RMI1: variants seen among roughly 807,000 people sequenced by gnomAD.
The protein encoded by RMI1 is RecQ mediated genome instability 1, also known as recQ-mediated genome instability protein 1.
Under a neutral mutation model 46.7 loss-of-function variants are expected in RMI1, and 36 were observed. That is an observed-to-expected ratio of 0.77 (90% CI 0.59 to 1.02). The LOEUF is 1.02. Ranked by LOEUF, RMI1 falls within the 50% of genes least tolerant of loss-of-function variation. The probability of loss-of-function intolerance (pLI) is 0.00; values close to 1 mark genes in which losing one functional copy is unlikely to be tolerated. For missense variants in RMI1, 676 were observed against 713.7 expected (o/e 0.95, Z 0.60); for synonymous variants, 250 against 252.9 (o/e 0.99, Z 0.11).
rs527388986 is a variant in RMI1 at position 84,002,796 on chromosome 9, A to G, written c.1810A>G (p.Met604Val). 5.7e-5 allele frequency: 92 copies of G among 1,610,844 alleles called. 1 individual carries two copies. The highest frequency in any genetic ancestry group is 4.5e-4 in the South Asian group (41 of 91,020). ...ISFNPSLSKA[M>V]VLALQDVNME... ...ATTTAATCCTTCCTTGTCTAAAGCA[A>G]TGGTACTGGCATTACAAGATGTTAA... is the stretch of plus-strand genomic sequence containing the variant. The change falls in exon 3 of 3, where the codon ATG becomes GTG. Residue 604 changes from methionine (M) to valine (V), a missense_variant. By Grantham distance (21) the Met-to-Val change is conservative (BLOSUM62 1). Coordinates refer to ENST00000445877, the MANE Select transcript of RMI1 (RefSeq NM_001358291.2).
Position 84,002,216 on chromosome 9 carries a change from A to G in RMI1, c.1230A>G (p.Leu410=). The part of the protein sequence containing the change: ...SIFSVHCNVP[L]AHDFTNKEKN... ...TTTCAGTTCATTGTAATGTACCCTT[A>G]GCCCATGATTTTACAAATAAAGAAA... is the stretch of plus-strand genomic sequence containing the variant. Residue 410 remains leucine, a synonymous_variant, in exon 3 of 3, where the codon TTA becomes TTG. Transcript: ENST00000445877. 6.2e-7 allele frequency: 1 copy of G among 1,608,520 alleles called. No homozygotes were observed. The highest frequency in any genetic ancestry group is 8.5e-7 in the Non-Finnish European group (1 of 1,178,678).
Position 83,994,400 on chromosome 9 carries a change from A to G in RMI1, c.-125-5309A>G, listed in dbSNP as rs79822206. Among the ~76,000 whole-genome samples the G allele has an allele frequency of 6.3e-3, 956 of 152,098 alleles. 8 individuals carry two copies. The highest frequency in any genetic ancestry group is 0.021 in the African/African-American group (866 of 41,490). ...TTCAATGTCATGAAGCTTTTTCCCT[A>G]TGTTTACTTCTAGGAATTTTATAGT... On this transcript the variant is annotated intron_variant, in intron 1 of 2. Coordinates refer to ENST00000445877, the MANE Select transcript of RMI1 (RefSeq NM_001358291.2).
At chr9:83,980,734 C>G (rs1457761889), upstream of RMI1, 1 of 152,194 alleles carries the variant, frequency 6.6e-6, no homozygotes, top group African/African-American at 2.4e-5. Flanking sequence ...TTTCCAGCCC[C>G]GAAGGAGTCC....
In RMI1 at chr9:84,001,665, G is replaced by A. The variant is rs753894546; in HGVS notation, c.679G>A (p.Glu227Lys). Residue 227 changes from glutamate to lysine, a missense_variant, in exon 3 of 3, where the codon GAA becomes AAA. Coordinates refer to ENST00000445877, the MANE Select transcript of RMI1 (RefSeq NM_001358291.2). ...TTCAGTCATACCAAACAATTCTAAC[G>A]AAAACATTCCCAGAGTTACAGATGT... ...VVSVIPNNSN[E>K]NIPRVTDVLD... is the part of the protein sequence containing the mutation. 1.3e-5 allele frequency: 21 copies of A among 1,613,780 alleles called. No homozygotes were observed. Among genetic ancestry groups the A allele is most frequent in the African/African-American group, 2.7e-5 (2 of 74,904 alleles).
chr9:83,989,837 C>A (rs929278315), intron 1 of RMI1, among the ~76,000 whole-genome samples: 2 of 152,138 alleles, frequency 1.3e-5, no homozygotes, highest in East Asian at 3.9e-4. Context: ...GCAATTTCAC[C>A]ACAAAGTATA....
At position 84,001,860 on chromosome 9, in the gene RMI1, T is replaced by C. The variant is rs1420790507; in HGVS notation, c.874T>C (p.Ser292Pro). 6.2e-7 allele frequency: 1 copy of C among 1,614,042 alleles called. No individual in the cohort carries two copies. Among genetic ancestry groups the C allele is most frequent in the Non-Finnish European group, 8.5e-7 (1 of 1,179,950 alleles). The change falls in exon 3 of 3, where the codon TCT becomes CCT. Residue 292 changes from serine to proline, a missense_variant. Transcript: ENST00000445877. ...QSSFEPEFVI[S>P]PRPKEEPSNL... ...AAGTTTTGAGCCAGAATTTGTTATT[T>C]CTCCAAGACCAAAAGAGGAACCATC...
chr9:83,990,195 G>A (rs1247167605), intron 1 of RMI1, among the ~76,000 whole-genome samples: 2 of 152,136 alleles, frequency 1.3e-5, no homozygotes, highest in Non-Finnish European at 2.9e-5. Context: ...GCAAAGGGTA[G>A]GAAGACAGAT....
At position 83,999,189 on chromosome 9, in the gene RMI1, A is replaced by T. The variant is rs954560167; in HGVS notation, c.-125-520A>T. ...AAAATAGAATAGAATAAAATAAAAT[A>T]AAAAAAAATAAAATAACAATAAGTA... On this transcript the variant is annotated intron_variant, in intron 1 of 2. Transcript: ENST00000445877. Among the ~76,000 whole-genome samples the T allele has an allele frequency of 4.5e-3, 172 of 38,464 alleles. 1 individual carries two copies. The highest frequency in any genetic ancestry group is 5.5e-3 in the Non-Finnish European group (105 of 19,034). 25.2% of individuals were successfully genotyped at this position (38,464 alleles called of 152,430 possible).
At position 84,002,661 on chromosome 9, in the gene RMI1, C is replaced by T. The variant is rs769538787; in HGVS notation, c.1675C>T (p.Pro559Ser). The change falls in exon 3 of 3, where the codon CCA (proline) becomes TCA (serine). Residue 559 changes from proline (P) to serine (S), a missense_variant. By Grantham distance (74) the Pro-to-Ser change is moderately conservative (BLOSUM62 -1). Transcript: ENST00000445877. ...TACTAGCTTGATAGGGTTCTCAGTACCAGAAATGAAACAGTCAAAAAAGGA... is the reference window on the plus strand; with the variant it reads ...TACTAGCTTGATAGGGTTCTCAGTATCAGAAATGAAACAGTCAAAAAAGGA... ...ILTSLIGFSVPEMKQSKKDPL... is the reference protein window; with the variant it reads ...ILTSLIGFSVSEMKQSKKDPL... 8 of 1,613,562 alleles carry T rather than the reference C, an allele frequency of 5.0e-6. No homozygotes were observed. The highest frequency in any genetic ancestry group is 6.8e-6 in the Non-Finnish European group (8 of 1,179,882).
At chr9:83,985,612 A>G (rs1178226607) in intron 1 of RMI1, among the ~76,000 whole-genome samples, 1 of 152,216 alleles carries the variant, frequency 6.6e-6, no homozygotes, top group African/African-American at 2.4e-5. Context: ...ATTAGGACTG[A>G]CACATTTAAT....
chr9:83,995,845 C>G (rs568065720), intron 1 of RMI1, among the ~76,000 whole-genome samples: 1 of 152,156 alleles, frequency 6.6e-6, no homozygotes, highest in Admixed American at 6.5e-5. Flanking sequence ...TTTTAGAGAC[C>G]ATTTTCTGTT....
At position 84,001,960 on chromosome 9, in the gene RMI1, C is replaced by G; in HGVS notation, c.974C>G (p.Thr325Ser). 1 of 1,614,070 alleles carries G rather than the reference C, an allele frequency of 6.2e-7. No individual in the cohort carries two copies. The highest frequency in any genetic ancestry group is 8.5e-7 in the Non-Finnish European group (1 of 1,179,968). The change falls in exon 3 of 3, where the codon ACT (threonine) becomes AGT (serine). Residue 325 changes from threonine (T) to serine (S), a missense_variant. Thr to Ser is a moderately conservative substitution (Grantham distance 58). Transcript: ENST00000445877. ...GAGGAGGCCTTGCTTTTAGAAGAAA[C>G]TGTCCAGAAAGAACAGATGGAAACT... Reference protein sequence around the residue: ...SLEEALLLEETVQKEQMETKE... With the variant: ...SLEEALLLEESVQKEQMETKE...
intron 1 of RMI1, among the ~76,000 whole-genome samples, chr9:83,987,166 C>T (rs563953707): frequency 1.1e-4 from 16 of 152,090 alleles, no homozygotes; most frequent in African/African-American, 3.9e-4. Flanking sequence ...TGGATTCAAG[C>T]GATTTTCTGC....
At chr9:83,986,373 T>A (rs1957490970) in intron 1 of RMI1, among the ~76,000 whole-genome samples, 1 of 152,240 alleles carries the variant, frequency 6.6e-6, no homozygotes, top group Non-Finnish European at 1.5e-5. Context: ...AATGGCCGTT[T>A]ATATGTGGAT....
Position 84,003,177 on chromosome 9 carries a change from G to A in RMI1, c.*313G>A, listed in dbSNP as rs1222727583. The stretch of plus-strand genomic sequence containing the variant: ...TCCTGCCTTAGCCTCTTGAGTTGCT[G>A]GGACTATAGGCATGTACCACCATGC... On this transcript the variant is annotated 3_prime_UTR_variant, in exon 3 of 3. Transcript: ENST00000445877. 1 of 193,094 alleles carries A rather than the reference G, an allele frequency of 5.2e-6. No individual in the cohort carries two copies. The highest frequency in any genetic ancestry group is 2.4e-5 in the African/African-American group (1 of 42,164). The allele number at this position is 193,094 out of a possible 1,614,324, so 12.0% of individuals were successfully genotyped here. A position where few individuals can be genotyped will look rare whatever the true frequency, so the allele number is the denominator to read the frequency against.
chr9:83,995,584 C>T (rs1163765078), intron 1 of RMI1, among the ~76,000 whole-genome samples: 6 of 152,020 alleles, frequency 3.9e-5, no homozygotes, highest in Admixed American at 6.5e-5. Context: ...CATGCCACCA[C>T]GCCCGGCTAA....
Position 83,995,279 on chromosome 9 carries a change from A to C in RMI1, c.-125-4430A>C, listed in dbSNP as rs144127025. Among the ~76,000 whole-genome samples the C allele has an allele frequency of 8.1e-3, 1,050 of 130,056 alleles. 12 individuals are homozygous for C. Among genetic ancestry groups the C allele is most frequent in the Middle Eastern group, 0.035 (10 of 284 alleles). 85.3% of individuals were successfully genotyped at this position (130,056 alleles called of 152,430 possible). A position where few individuals can be genotyped will look rare whatever the true frequency, so the allele number is the denominator to read the frequency against. On this transcript the variant is annotated intron_variant, in intron 1 of 2. Transcript: ENST00000445877. ...CTCCCAAAATGCTGGCATTACAGGC[A>C]TGAGCCACTGCCCCGGCCTCAACCA...
chr9:83,997,796 G>GT (rs1466712796), intron 1 of RMI1, among the ~76,000 whole-genome samples: 2 of 150,836 alleles, frequency 1.3e-5, no homozygotes, highest in African/African-American at 4.9e-5. Context: ...AAGATAGGGA[G>GT]TATTTTTTTT....
intron 1 of RMI1, among the ~76,000 whole-genome samples, chr9:83,984,560 T>C (rs1221085720): frequency 6.9e-6 from 1 of 145,828 alleles, no homozygotes; most frequent in Non-Finnish European, 1.5e-5. Flanking sequence ...GTTTTGAACA[T>C]CTTTTTTTCT....
Sources: allele counts gnomAD v4.1 joint callset (sites outside exome capture counted in the v4.1 genomes callset), GRCh38; gene constraint gnomAD v4.1.1; transcripts MANE v1.5; gene names NCBI Gene and HGNC (gene_info 2026-07-23, HGNC 2026-07-21).